The following PTPRN2 variants were observed in gnomAD, a reference collection of about 807,000 sequenced individuals.
The protein encoded by PTPRN2 is protein tyrosine phosphatase receptor type N2, also known as receptor-type tyrosine-protein phosphatase N2.
A neutral mutation model predicts 118.8 loss-of-function variants in PTPRN2; 74 were observed. That is an observed-to-expected ratio of 0.62 (90% CI 0.52 to 0.76). The LOEUF is 0.76. Among genes scored for constraint, PTPRN2 ranks in the 30% least tolerant of loss-of-function variants. The pLI, the probability that PTPRN2 is intolerant of heterozygous loss-of-function variation, is 0.00. For missense variants in PTPRN2, 1,481 were observed against 1,394.4 expected (o/e 1.06, Z -0.99); for synonymous variants, 641 against 608.0 (o/e 1.05, Z -0.80).
intron 12 of PTPRN2, among the ~76,000 whole-genome samples, chr7:157,701,953 C>A (rs1442335921): frequency 1.3e-5 from 2 of 149,780 alleles, no homozygotes. Flanking sequence ...CCGGTCGGTG[C>A]TGGTGTAACT....
At chr7:157,853,545 C>A (rs1442832663) in intron 12 of PTPRN2, among the ~76,000 whole-genome samples, 1 of 152,146 alleles carries the variant, frequency 6.6e-6, no homozygotes, top group Non-Finnish European at 1.5e-5. Context: ...GCCCCGTGAC[C>A]CTTTCTCCCA....
At chr7:158,482,319 G>A (rs1464132470) in intron 2 of PTPRN2, among the ~76,000 whole-genome samples, 2 of 152,184 alleles carry the variant, frequency 1.3e-5, no homozygotes, top group Admixed American at 6.5e-5. Context: ...ACAGCATTGC[G>A]TTCTGCAAAG....
intron 12 of PTPRN2, among the ~76,000 whole-genome samples, chr7:157,725,411 G>A (rs1384467347): frequency 6.0e-5 from 4 of 67,028 alleles, no homozygotes; most frequent in African/African-American, 1.8e-4. Context: ...ACACACAGAG[G>A]AGTGAGCCAG....
At chr7:158,137,468 C>T (rs930801083) in intron 7 of PTPRN2, among the ~76,000 whole-genome samples, 1 of 152,092 alleles carries the variant, frequency 6.6e-6, no homozygotes, top group Non-Finnish European at 1.5e-5. Flanking sequence ...ACTTTCAGTG[C>T]CCAAAGGTGC....
rs1166680449 is a variant in PTPRN2, at chr7:158,239,915, G to A, written c.278-34642C>T. ...GCAGGTGGATGAAGGGAACGTAGATGACACGTTGAGGGTGTGGTGCGGGCA... is the reference window on the plus strand; with the variant it reads ...GCAGGTGGATGAAGGGAACGTAGATAACACGTTGAGGGTGTGGTGCGGGCA... On this transcript the variant is annotated intron_variant, in intron 3 of 22. Coordinates refer to ENST00000389418, the MANE Select transcript of PTPRN2 (RefSeq NM_002847.5). Among the ~76,000 whole-genome samples, 5 of 152,330 alleles carry A rather than the reference G, an allele frequency of 3.3e-5. No homozygotes were observed. In the East Asian group the frequency reaches 7.7e-4, roughly 24 times the overall value.
In PTPRN2 at chr7:158,304,861, T is replaced by G. The variant is rs1474962241; in HGVS notation, c.277+11958A>C. 2.0e-5 allele frequency among the ~76,000 whole-genome samples: 3 copies of G among 152,198 alleles called. No individual in the cohort carries two copies. In the East Asian group the frequency reaches 5.8e-4, roughly 29 times the overall value. On this transcript the variant is annotated intron_variant, in intron 3 of 22. Transcript: ENST00000389418. ...GCCAGACTCTTAATTAATTCCCTCT[T>G]GGATCAGGGAAAAGACCTGGAAAGG...
chr7:158,314,620 T>A (rs1191470052), intron 3 of PTPRN2, among the ~76,000 whole-genome samples: 2 of 152,254 alleles, frequency 1.3e-5, no homozygotes, highest in African/African-American at 4.8e-5. Flanking sequence ...GAGTCCAGTG[T>A]GGCCTGGAGT....
intron 2 of PTPRN2, among the ~76,000 whole-genome samples, chr7:158,407,606 C>G (rs71544598): frequency 1.7e-4 from 3 of 17,262 alleles, no homozygotes; most frequent in African/African-American, 4.1e-4. Flanking sequence ...CTGCGTCCTG[C>G]GTCCTGGGTC....
At chr7:157,697,164 A>G (rs1161796460) in intron 12 of PTPRN2, among the ~76,000 whole-genome samples, 7 of 3,892 alleles carry the variant, frequency 1.8e-3, no homozygotes, top group Middle Eastern at 0.25. Flanking sequence ...AGCCCTCACC[A>G]TCTACCCATG....
chr7:158,051,823 A>G (rs1164514403), intron 11 of PTPRN2, among the ~76,000 whole-genome samples: 1 of 152,228 alleles, frequency 6.6e-6, no homozygotes, highest in East Asian at 1.9e-4. Context: ...GTACTTAAAC[A>G]AGTAGGCCCG....
At position 158,406,173 on chromosome 7, in the gene PTPRN2, A is replaced by G. The variant is rs13308429; in HGVS notation, c.163+83562T>C. Among the ~76,000 whole-genome samples, 435 of 49,790 alleles carry G rather than the reference A, an allele frequency of 8.7e-3. 14 individuals are homozygous for G. The highest frequency in any genetic ancestry group is 0.052 in the Middle Eastern group (3 of 58). 32.7% of individuals were successfully genotyped at this position (49,790 alleles called of 152,430 possible). On this transcript the variant is annotated intron_variant, in intron 2 of 22. Transcript: ENST00000389418. ...ACTGAGATCCCGCAGTGGCTCATCC[A>G]TGAGACACGTGGCCGCACACTGAGA...
In PTPRN2 at chr7:158,417,092, T is replaced by G. The variant is rs567514328; in HGVS notation, c.163+72643A>C. Among the ~76,000 whole-genome samples the G allele has an allele frequency of 2.6e-3, 403 of 152,118 alleles. 13 individuals are homozygous for G. The highest frequency in any genetic ancestry group is 9.3e-3 in the African/African-American group (386 of 41,400). On this transcript the variant is annotated intron_variant, in intron 2 of 22. Transcript: ENST00000389418. ...TGCTGCAGCTCTCAGTGTCCCACTG[T>G]GTTAAGTTGTGGTGTACTACATCAA...
rs1169815772 is a variant in PTPRN2, at chr7:158,413,602, C to G, written c.163+76133G>C. On this transcript the variant is annotated intron_variant, in intron 2 of 22. Transcript: ENST00000389418. ...TCAAGAGGCCTGAACGGGAAAGCCC[C>G]GTGTGGGCTCCATGGCGACCTCAGC... Among the ~76,000 whole-genome samples the G allele has an allele frequency of 2.0e-5, 3 of 152,346 alleles. No homozygotes were observed. In the East Asian group the frequency reaches 5.8e-4, roughly 29 times the overall value.
chr7:157,952,226 G>A (rs942417687), intron 11 of PTPRN2, among the ~76,000 whole-genome samples: 2 of 152,168 alleles, frequency 1.3e-5, no homozygotes, highest in East Asian at 1.9e-4. Context: ...CGCCAGACGC[G>A]GGCGATGGGG....
intron 15 of PTPRN2, among the ~76,000 whole-genome samples, chr7:157,608,031 T>C (rs1802106340): frequency 6.6e-6 from 1 of 152,190 alleles, no homozygotes; most frequent in Non-Finnish European, 1.5e-5. Flanking sequence ...ATCGCATATT[T>C]GATTTTGTGT....
chr7:157,949,018 G>C (rs1311825171), intron 11 of PTPRN2, among the ~76,000 whole-genome samples: 1 of 152,122 alleles, frequency 6.6e-6, no homozygotes, highest in African/African-American at 2.4e-5. Context: ...GAGTATGCGT[G>C]AATTTTGGTA....
rs729099 is a variant in PTPRN2, at chr7:158,321,460, G to C, written c.164-4528C>G. Among the ~76,000 whole-genome samples the C allele has an allele frequency of 5.3e-5, 8 of 151,802 alleles. 1 individual carries two copies. Among genetic ancestry groups the C allele is most frequent in the African/African-American group, 1.9e-4 (8 of 41,302 alleles). On this transcript the variant is annotated intron_variant, in intron 2 of 22. Coordinates refer to ENST00000389418, the MANE Select transcript of PTPRN2 (RefSeq NM_002847.5). ...TGCAGCCTGTCGACATGACCCTATC[G>C]TCGAAGCCCGGACTGACCCGTCCAG...
chr7:157,717,181 C>T (rs1046347034), intron 12 of PTPRN2, among the ~76,000 whole-genome samples: 6 of 152,366 alleles, frequency 3.9e-5, no homozygotes, highest in Middle Eastern at 3.4e-3. Context: ...AATCGATCCA[C>T]GAGGCTTTGA....
rs540176907 is a variant in PTPRN2 at position 158,412,213 on chromosome 7, C to A, written c.163+77522G>T. 1.2e-3 allele frequency among the ~76,000 whole-genome samples: 143 copies of A among 117,342 alleles called. 2 individuals carry two copies. Among genetic ancestry groups the A allele is most frequent in the African/African-American group, 4.8e-3 (137 of 28,540 alleles). The allele number at this position is 117,342 out of a possible 152,430, so 77.0% of individuals were successfully genotyped here. The stretch of plus-strand genomic sequence containing the variant: ...CTCAGCACCCTCCTCAGCACCAGGG[C>A]CCATCTCAGCACCCTCCTCAGCACC... On this transcript the variant is annotated intron_variant, in intron 2 of 22. Transcript: ENST00000389418.
Sources: allele counts gnomAD v4.1 joint callset (sites outside exome capture counted in the v4.1 genomes callset), GRCh38; gene constraint gnomAD v4.1.1; transcripts MANE v1.5; gene names NCBI Gene and HGNC (gene_info 2026-07-23, HGNC 2026-07-21).